Variants in RNF212B observed in about 807,000 individuals in gnomAD.
RNF212B encodes E3 ubiquitin-protein ligase RNF212B.
In RNF212B, 52 loss-of-function variants were observed where a neutral mutation model predicts 55.5. The ratio of observed to expected loss-of-function variants is 0.94; its 90% CI spans 0.75 to 1.18. The LOEUF is 1.18. Ranked by LOEUF, RNF212B falls within the 50% of genes most tolerant of loss-of-function variation. The probability of loss-of-function intolerance (pLI) is 0.00; values close to 1 mark genes in which losing one functional copy is unlikely to be tolerated. For synonymous variants in RNF212B, 99 were observed against 121.4 expected, an observed-to-expected ratio of 0.82 and a Z score of 1.21; for missense variants, 289 against 350.4, an observed-to-expected ratio of 0.82 and a Z score of 1.40.
chr14:23,218,761 G>A (rs1028839014), intron 2 of RNF212B, among the ~76,000 whole-genome samples: 2 of 152,192 alleles, frequency 1.3e-5, no homozygotes, highest in Non-Finnish European at 2.9e-5. Context: ...AAGAGAGCTA[G>A]GGGTAGAAAG....
chr14:23,269,769 G>T, intron 12 of RNF212B, 94 bp from the exon 13 acceptor site: 1 of 672,522 alleles, frequency 1.5e-6, no homozygotes, highest in Admixed American at 2.9e-5. Flanking sequence ...TTTCCTCTCT[G>T]GCCTAGCTGT....
At chr14:23,250,007 C>T (rs1488593889) in intron 4 of RNF212B, among the ~76,000 whole-genome samples, 2 of 152,120 alleles carry the variant, frequency 1.3e-5, no homozygotes. Context: ...CGTTCTGGTT[C>T]CTCCTAACCT....
intron 2 of RNF212B, among the ~76,000 whole-genome samples, chr14:23,194,754 A>C (rs1034705835): frequency 1.5e-4 from 23 of 151,444 alleles, no homozygotes; most frequent in East Asian, 9.7e-4. Flanking sequence ...AAAAAAAAAA[A>C]AAACAACGCT....
At chr14:23,257,668 C>T (rs1463880461) in intron 4 of RNF212B, among the ~76,000 whole-genome samples, 5 of 152,160 alleles carry the variant, frequency 3.3e-5, no homozygotes, top group Non-Finnish European at 7.3e-5. Context: ...TAAATATTAA[C>T]TTTTGATCCG....
At chr14:23,243,406 G>A in intron 3 of RNF212B, 98 bp downstream of exon 3, 1 of 1,174,806 alleles carries the variant, frequency 8.5e-7, no homozygotes, top group South Asian at 1.4e-5. Context: ...CAAAAAGAAA[G>A]AAAAGAAGAC....
intron 4 of RNF212B, among the ~76,000 whole-genome samples, chr14:23,255,157 T>A (rs1884740395): frequency 6.6e-6 from 1 of 152,250 alleles, no homozygotes; most frequent in African/African-American, 2.4e-5. Flanking sequence ...AACCAACCTA[T>A]GCACTTTTTG....
intron 2 of RNF212B, among the ~76,000 whole-genome samples, chr14:23,195,343 T>C (rs73600459): frequency 0.023 from 3,434 of 151,702 alleles, 49 homozygotes; most frequent in Middle Eastern, 0.086. Context: ...TTAGAAAACA[T>C]GGAAGATTTA....
intron 4 of RNF212B, among the ~76,000 whole-genome samples, chr14:23,248,302 G>GTT (rs531947283): frequency 7.2e-5 from 10 of 138,532 alleles, no homozygotes; most frequent in Non-Finnish European, 1.4e-4. Context: ...TAGTTTTTGT[G>GTT]TTTTTTTTTT....
intron 2 of RNF212B, among the ~76,000 whole-genome samples, chr14:23,211,709 CT>C (rs1880538085): frequency 6.6e-6 from 1 of 152,136 alleles, no homozygotes; most frequent in Non-Finnish European, 1.5e-5. Context: ...TAGAGACACA[CT>C]TAAAAAATAA....
At chr14:23,226,390 G>A (rs1242099188) in intron 2 of RNF212B, among the ~76,000 whole-genome samples, 2 of 152,026 alleles carry the variant, frequency 1.3e-5, no homozygotes, top group Admixed American at 1.3e-4. Flanking sequence ...CAGCACTTTA[G>A]GAAGCTGTGG....
At chr14:23,234,931 G>A (rs1033105028), upstream of RNF212B, among the ~76,000 whole-genome samples, 3 of 151,974 alleles carry the variant, frequency 2.0e-5, no homozygotes, top group Non-Finnish European at 4.4e-5. Context: ...TTAAAAATTA[G>A]GGCTGGGTAC....
intron 2 of RNF212B, among the ~76,000 whole-genome samples, chr14:23,227,757 G>A (rs1489463969): frequency 5.3e-5 from 8 of 151,816 alleles, no homozygotes; most frequent in South Asian, 2.1e-4. Flanking sequence ...GCATCAGCAC[G>A]CCTGGCTAAT....
intron 2 of RNF212B, among the ~76,000 whole-genome samples, chr14:23,212,197 T>A (rs1410932595): frequency 6.6e-6 from 1 of 152,236 alleles, no homozygotes; most frequent in Non-Finnish European, 1.5e-5. Flanking sequence ...AAATACTGAA[T>A]GCTTTTTCCC....
chr14:23,205,321 T>G (rs958354834), intron 2 of RNF212B, among the ~76,000 whole-genome samples: 10 of 152,146 alleles, frequency 6.6e-5, no homozygotes, highest in East Asian at 1.9e-4. Context: ...CACCCTTTTT[T>G]TTTTTTAAGC....
intron 2 of RNF212B, among the ~76,000 whole-genome samples, chr14:23,210,776 C>CAA (rs1160221876): frequency 0.22 from 13,318 of 60,588 alleles, 1,876 homozygotes; most frequent in African/African-American, 0.26. Context: ...GACTCTGTCT[C>CAA]AAAAAAAAAA....
At chr14:23,255,400 G>A (rs1884760748) in intron 4 of RNF212B, among the ~76,000 whole-genome samples, 2 of 152,140 alleles carry the variant, frequency 1.3e-5, no homozygotes, top group South Asian at 2.1e-4. Flanking sequence ...ATCCTTACCT[G>A]GTCCTAGTAT....
At chr14:23,232,240 C>T (rs1397615394) in intron 2 of RNF212B, among the ~76,000 whole-genome samples, 3 of 149,350 alleles carry the variant, frequency 2.0e-5, no homozygotes, top group African/African-American at 5.0e-5. Flanking sequence ...ATGTGGGGAG[C>T]GCCTCTGCCC....
intron 2 of RNF212B, among the ~76,000 whole-genome samples, chr14:23,230,272 A>G (rs1289351881): frequency 1.3e-5 from 2 of 152,210 alleles, no homozygotes; most frequent in Non-Finnish European, 2.9e-5. Context: ...CTTTCTTGAT[A>G]GTATCCTTTG....
rs1192201679 is a variant in RNF212B at position 23,260,644 on chromosome 14, T to C, written c.406-15T>C. On this transcript the variant is annotated splice_polypyrimidine_tract_variant and intron_variant, in intron 6 of 14. Transcript: ENST00000430154. ...CAGTTGCAGCTTTCTTCACTCCTGG[T>C]TTTTTCACCTATAGGAATCTCCAAG... 47 of 1,550,046 alleles carry C rather than the reference T, an allele frequency of 3.0e-5. No homozygotes were observed. The highest frequency in any genetic ancestry group is 3.7e-5 in the Non-Finnish European group (43 of 1,146,694).
Sources: gnomAD v4.1 joint callset for allele counts (sites outside exome capture counted in the v4.1 genomes callset) on GRCh38, gnomAD v4.1.1 for gene constraint, MANE v1.5 for transcripts, NCBI Gene and HGNC (gene_info 2026-07-23, HGNC 2026-07-21) for gene names.